The following TRDN variants were observed in gnomAD, a reference collection of about 807,000 sequenced individuals.
TRDN encodes the protein triadin in skeletal muscle.
TRDN carries 161 observed loss-of-function variants against 149.7 expected under a neutral mutation model. The observed-to-expected ratio is 1.08, with a 90% CI of 0.95 to 1.23. The LOEUF is 1.23. Ranked by LOEUF, TRDN falls within the 50% of genes most tolerant of loss-of-function variation. The pLI is 0.00. For missense variants in TRDN, 896 were observed against 823.5 expected, an observed-to-expected ratio of 1.09 and a Z score of -1.08; for synonymous variants, 294 against 250.5, an observed-to-expected ratio of 1.17 and a Z score of -1.64.
At chr6:123,593,083 C>G (rs552925500) in intron 1 of TRDN, among the ~76,000 whole-genome samples, 46 of 152,112 alleles carry the variant, frequency 3.0e-4, no homozygotes, top group Non-Finnish European at 6.2e-4. Context: ...TTCAAATACT[C>G]TACAAATCAT....
chr6:123,338,835 AC>A (rs1779965294), intron 21 of TRDN, among the ~76,000 whole-genome samples: 1 of 152,128 alleles, frequency 6.6e-6, no homozygotes, highest in African/African-American at 2.4e-5. Flanking sequence ...TGTGAAAAGT[AC>A]TCCAGTAAAG....
At chr6:123,596,941 A>G (rs1784065532) in intron 1 of TRDN, among the ~76,000 whole-genome samples, 1 of 152,080 alleles carries the variant, frequency 6.6e-6, no homozygotes, top group Non-Finnish European at 1.5e-5. Flanking sequence ...GATGCCCCCT[A>G]ACACAAAAAT....
chr6:123,224,197 G>T, intron 38 of TRDN, 66 bp from the exon 39 acceptor site: 1 of 1,484,728 alleles, frequency 6.7e-7, no homozygotes, highest in Non-Finnish European at 9.3e-7. Flanking sequence ...AGGAAGTATT[G>T]TATTTAAAGG....
chr6:123,333,842 C>A (rs1779758497), intron 22 of TRDN, among the ~76,000 whole-genome samples: 1 of 151,870 alleles, frequency 6.6e-6, no homozygotes, highest in Non-Finnish European at 1.5e-5. Flanking sequence ...ATAGTAGTTT[C>A]TTTGTGTTTG....
At chr6:123,263,938 G>A (rs182013945) in intron 33 of TRDN, among the ~76,000 whole-genome samples, 1 of 152,152 alleles carries the variant, frequency 6.6e-6, no homozygotes, top group East Asian at 1.9e-4. Context: ...TAAGCCCACT[G>A]TTGAGACCTA....
intron 24 of TRDN, among the ~76,000 whole-genome samples, chr6:123,295,662 T>G (rs988024680): frequency 7.2e-5 from 11 of 152,088 alleles, no homozygotes; most frequent in African/African-American, 2.7e-4. Context: ...ACCTCATATA[T>G]ATACACAATT....
intron 21 of TRDN, among the ~76,000 whole-genome samples, chr6:123,338,076 T>C (rs888354647): frequency 6.6e-5 from 10 of 152,146 alleles, no homozygotes; most frequent in Non-Finnish European, 1.3e-4. Context: ...TTCACATAAA[T>C]TGATTAAATA....
At chr6:123,529,407 T>C (rs1780115369) in intron 5 of TRDN, 2 of 1,490,996 alleles carry the variant, frequency 1.3e-6, no homozygotes, top group East Asian at 2.5e-5. Context: ...ATGTTCTGAT[T>C]GTTGAAGAAT....
intron 12 of TRDN, among the ~76,000 whole-genome samples, chr6:123,419,417 C>A (rs1582996061): frequency 6.6e-6 from 1 of 152,144 alleles, no homozygotes; most frequent in African/African-American, 2.4e-5. Context: ...CACTCTGGCA[C>A]CTAGGCTGGA....
chr6:123,317,678 G>T (rs1779076942), intron 23 of TRDN, among the ~76,000 whole-genome samples: 1 of 151,800 alleles, frequency 6.6e-6, no homozygotes, highest in South Asian at 2.1e-4. Flanking sequence ...AGAAAATTTT[G>T]TTATTGTCTG....
At chr6:123,550,244 C>T (rs1562381383) in intron 2 of TRDN, among the ~76,000 whole-genome samples, 1 of 151,700 alleles carries the variant, frequency 6.6e-6, no homozygotes, top group African/African-American at 2.4e-5. Flanking sequence ...AGGGAGGAGC[C>T]AACAATGGAT....
At chr6:123,507,805 G>T (rs1012410543) in intron 7 of TRDN, among the ~76,000 whole-genome samples, 1 of 152,124 alleles carries the variant, frequency 6.6e-6, no homozygotes, top group Admixed American at 6.6e-5. Flanking sequence ...TTCAATCTTG[G>T]AATTAGCGTG....
At chr6:123,252,537 C>T in intron 37 of TRDN, 102 bp from the exon 38 acceptor site, 2 of 600,430 alleles carry the variant, frequency 3.3e-6, no homozygotes, top group South Asian at 2.8e-5. Flanking sequence ...TTGTTTCTTG[C>T]TTATTATTTA....
chr6:123,304,808 T>C (rs937687959), intron 24 of TRDN, among the ~76,000 whole-genome samples: 7 of 152,160 alleles, frequency 4.6e-5, no homozygotes, highest in African/African-American at 1.7e-4. Context: ...ATAAGCTGAT[T>C]ATATAACATT....
chr6:123,463,537 A>G lies in TRDN; in HGVS notation c.931+1369T>C, dbSNP rs546687286. Among the ~76,000 whole-genome samples the G allele has an allele frequency of 7.6e-4, 115 of 152,016 alleles. 1 individual carries two copies. In the Middle Eastern group the frequency reaches 0.01, roughly 13 times the overall value. The stretch of plus-strand genomic sequence containing the variant: ...CAAACACTTGAATAATCTGACTATC[A>G]AAGTCTCCCTCAAGTTGGGAAATCT... On this transcript the variant is annotated intron_variant, in intron 10 of 40. Coordinates refer to ENST00000334268, the MANE Select transcript of TRDN (RefSeq NM_006073.4).
chr6:123,331,023 A>C (rs189791583), intron 23 of TRDN, among the ~76,000 whole-genome samples: 70 of 152,200 alleles, frequency 4.6e-4, no homozygotes, highest in African/African-American at 1.3e-3. Context: ...TAACATTCAC[A>C]ATAGTAAGTA....
At chr6:123,263,032 T>G (rs1562235641) in intron 33 of TRDN, among the ~76,000 whole-genome samples, 1 of 151,990 alleles carries the variant, frequency 6.6e-6, no homozygotes. Flanking sequence ...AAACTAGAAA[T>G]GATTAAGTTT....
At chr6:123,566,786 T>C (rs1048703805) in intron 2 of TRDN, among the ~76,000 whole-genome samples, 6 of 152,230 alleles carry the variant, frequency 3.9e-5, no homozygotes, top group African/African-American at 1.4e-4. Flanking sequence ...GTGAGTATAA[T>C]TTACATTTTG....
At chr6:123,525,468 T>C (rs187358079) in intron 5 of TRDN, among the ~76,000 whole-genome samples, 12 of 152,086 alleles carry the variant, frequency 7.9e-5, no homozygotes, top group African/African-American at 2.9e-4. Context: ...AAATCAAATA[T>C]TGCATGTTCT....
Sources: gnomAD v4.1 joint callset for allele counts (sites outside exome capture counted in the v4.1 genomes callset) on GRCh38, gnomAD v4.1.1 for gene constraint, MANE v1.5 for transcripts, NCBI Gene and HGNC (gene_info 2026-07-23, HGNC 2026-07-21) for gene names.